Variants in PFKP observed in about 807,000 individuals in gnomAD.
The protein encoded by PFKP is phosphofructokinase, platelet.
PFKP carries 101 observed loss-of-function variants against 94.3 expected under a neutral mutation model. The observed-to-expected ratio is 1.07, with a 90% CI of 0.91 to 1.26. PFKP has a LOEUF of 1.26. PFKP is among the 50% of genes most tolerant of loss of function. The probability of loss-of-function intolerance (pLI) is 0.00; values close to 1 mark genes in which losing one functional copy is unlikely to be tolerated. For synonymous variants in PFKP, 573 were observed against 432.6 expected (o/e 1.32, Z -4.03); for missense variants, 1,145 against 1,103.3 (o/e 1.04, Z -0.53).
At chr10:3,115,923 C>T (rs907377393) in intron 13 of PFKP, among the ~76,000 whole-genome samples, 2 of 152,182 alleles carry the variant, frequency 1.3e-5, no homozygotes, top group Admixed American at 6.5e-5. Flanking sequence ...CACTGCCCGC[C>T]CTTCTGTGTT....
At position 3,095,515 on chromosome 10, in the gene PFKP, T is replaced by G. The variant is rs145635700; in HGVS notation, c.187-3760T>G. ...CAACGAGGAGCTCTAAGGTTCATCT[T>G]GTGAGTCAGAGTCAACAAGACAGAG... On this transcript the variant is annotated intron_variant, in intron 2 of 21. Transcript: ENST00000381125. Among the ~76,000 whole-genome samples the G allele has an allele frequency of 1.6e-3, 239 of 152,334 alleles. 2 individuals are homozygous for G. The highest frequency in any genetic ancestry group is 5.0e-3 in the African/African-American group (207 of 41,574).
chr10:3,124,064 C>A (rs1179667419), intron 16 of PFKP, among the ~76,000 whole-genome samples: 1 of 151,852 alleles, frequency 6.6e-6, no homozygotes, highest in Admixed American at 6.6e-5. Context: ...TCTACACCCA[C>A]TGTCCGAAGC....
intron 17 of PFKP, among the ~76,000 whole-genome samples, chr10:3,131,208 T>C (rs1444781339): frequency 6.6e-6 from 1 of 152,214 alleles, no homozygotes; most frequent in Non-Finnish European, 1.5e-5. Context: ...GCCTGCAGTA[T>C]TCAACAGTCC....
intron 10 of PFKP, among the ~76,000 whole-genome samples, chr10:3,111,737 C>T (rs933035335): frequency 2.6e-5 from 4 of 152,140 alleles, no homozygotes; most frequent in South Asian, 2.1e-4. Context: ...GTCCCAGCCC[C>T]GTGTCCCAGG....
At chr10:3,109,699 C>A (rs76867819) in intron 10 of PFKP, among the ~76,000 whole-genome samples, 2,437 of 152,284 alleles carry the variant, frequency 0.016, 66 homozygotes, top group African/African-American at 0.056. Flanking sequence ...TTCTAAGTTA[C>A]CATCCATCTG....
In PFKP at chr10:3,095,014, G is replaced by A. The variant is rs187950991; in HGVS notation, c.187-4261G>A. Among the ~76,000 whole-genome samples the A allele has an allele frequency of 1.4e-3, 219 of 152,270 alleles. 1 individual carries two copies. Among genetic ancestry groups the A allele is most frequent in the African/African-American group, 5.0e-3 (206 of 41,548 alleles). ...TAAAGTCTGTTATCTCTAGGAGCTT[G>A]TTTTATTCTGGTAGTTGGAATGTTC... On this transcript the variant is annotated intron_variant, in intron 2 of 21. Transcript: ENST00000381125.
chr10:3,127,184 G>A (rs1265367306), intron 16 of PFKP, among the ~76,000 whole-genome samples: 1 of 152,260 alleles, frequency 6.6e-6, no homozygotes, highest in East Asian at 1.9e-4. Context: ...GAGAGTTCAG[G>A]AAAGCTGTAT....
intron 21 of PFKP, among the ~76,000 whole-genome samples, 165 bp downstream of exon 21, chr10:3,136,003 T>C (rs937474641): frequency 2.0e-5 from 3 of 152,224 alleles, no homozygotes; most frequent in African/African-American, 7.2e-5. Flanking sequence ...CGGTGGCTCA[T>C]GCCTATAATC....
chr10:3,068,106 G>C (rs532928601), intron 1 of PFKP, among the ~76,000 whole-genome samples: 1 of 152,106 alleles, frequency 6.6e-6, no homozygotes, highest in South Asian at 2.1e-4. Flanking sequence ...TTCTGCCTCT[G>C]AGCTGTAGGA....
At chr10:3,100,863 A>AAAAT (rs1491438670) in intron 3 of PFKP, 39 of 158,260 alleles carry the variant, frequency 2.5e-4, no homozygotes, top group Non-Finnish European at 3.2e-4. Context: ...TATGTGGTGC[A>AAAAT]AAAAAAAAAA....
rs1282834167 is a variant in PFKP, at chr10:3,067,688, C to G, written c.93C>G (p.Thr31=). ...CCGGCAAGGCCATCGGCGTGCTGACCAGCGGCGGGGATGCTCAAGGTGCGC... is the reference window on the plus strand; with the variant it reads ...CCGGCAAGGCCATCGGCGTGCTGACGAGCGGCGGGGATGCTCAAGGTGCGC... ...SGAGKAIGVL[T]SGGDAQGMNA... The change falls in exon 1 of 22, where the codon ACC becomes ACG. Residue 31 remains threonine (T), a synonymous_variant. Coordinates refer to ENST00000381125, the MANE Select transcript of PFKP (RefSeq NM_002627.5). The G allele has an allele frequency of 1.3e-6, 2 of 1,514,708 alleles. No individual in the cohort carries two copies. The highest frequency in any genetic ancestry group is 1.8e-6 in the Non-Finnish European group (2 of 1,130,180). The allele number at this position is 1,514,708 out of a possible 1,614,324, so 93.8% of individuals were successfully genotyped here. A position where few individuals can be genotyped will look rare whatever the true frequency, so the allele number is the denominator to read the frequency against.
chr10:3,110,066 G>T (rs1836022310), intron 10 of PFKP, among the ~76,000 whole-genome samples: 1 of 152,304 alleles, frequency 6.6e-6, no homozygotes, highest in South Asian at 2.1e-4. Context: ...GTCACCCGAA[G>T]ATACACCCAC....
In PFKP at chr10:3,129,467, C is replaced by T. The variant is rs1448276011; in HGVS notation, c.1684-352C>T. ...CGGTGTCTGTGTCCGGTGAAAGCGG[C>T]TTCAGCAGGGACAGTCACAGAGCAG... On this transcript the variant is annotated intron_variant, in intron 16 of 21. Transcript: ENST00000381125. The T allele has an allele frequency of 2.1e-5, 5 of 234,412 alleles. No homozygotes were observed. The Admixed American group carries it at 2.6e-4, about 12-fold the overall frequency. 14.5% of individuals were successfully genotyped at this position (234,412 alleles called of 1,614,324 possible).
rs560675025 is a variant in PFKP at position 3,103,952 on chromosome 10, G to A, written c.620+8G>A. On this transcript the variant is annotated splice_region_variant and intron_variant, in intron 5 of 21. Transcript: ENST00000381125. The stretch of plus-strand genomic sequence containing the variant: ...CATGACCACGGCCCAGAGGTAAAGC[G>A]CTCAGAGGAACCGGCGGGAGGCCAG... 69 of 1,612,578 alleles carry A rather than the reference G, an allele frequency of 4.3e-5. No homozygotes were observed. Among genetic ancestry groups the A allele is most frequent in the African/African-American group, 1.6e-4 (12 of 75,044 alleles).
rs577687165 is a variant in PFKP at position 3,115,329 on chromosome 10, G to C, written c.1372-1447G>C. 3.8e-3 allele frequency among the ~76,000 whole-genome samples: 403 copies of C among 105,728 alleles called. 18 individuals are homozygous for C. The highest frequency in any genetic ancestry group is 8.9e-3 in the African/African-American group (234 of 26,426). The allele number at this position is 105,728 out of a possible 152,430, so 69.4% of individuals were successfully genotyped here. A position where few individuals can be genotyped will look rare whatever the true frequency, so the allele number is the denominator to read the frequency against. On this transcript the variant is annotated intron_variant, in intron 13 of 21. Transcript: ENST00000381125. ...GCTGGGGTGAAAGTGTGTGTCCCACGGCGGAGGACAGGACTGGGGATGCTG... is the reference window on the plus strand; with the variant it reads ...GCTGGGGTGAAAGTGTGTGTCCCACCGCGGAGGACAGGACTGGGGATGCTG...
Position 3,136,532 on chromosome 10 carries a change from G to A in PFKP, c.2308G>A (p.Val770Met), listed in dbSNP as rs562235338. Reference sequence around the variant, plus strand: ...GGCCAAGTACAAGGCCAGCTATGACGTGTCGGACTCAGGCCAGCTGGAACA... The same window carrying A: ...GGCCAAGTACAAGGCCAGCTATGACATGTCGGACTCAGGCCAGCTGGAACA... ...ILAKYKASYD[V>M]SDSGQLEHVQ... The change falls in exon 22 of 22, where the codon GTG (valine) becomes ATG (methionine). Residue 770 changes from valine (V) to methionine (M), a missense_variant. Physicochemically the swap from Val to Met is conservative, Grantham distance 21. Transcript: ENST00000381125. The A allele has an allele frequency of 1.3e-5, 21 of 1,613,468 alleles. No individual in the cohort carries two copies. Among genetic ancestry groups the A allele is most frequent in the Non-Finnish European group, 1.4e-5 (17 of 1,179,766 alleles).
chr10:3,129,566 T>C, intron 16 of PFKP: 1 of 494,410 alleles, frequency 2.0e-6, no homozygotes, highest in Non-Finnish European at 3.6e-6. Context: ...GAGCGGCAGA[T>C]GGCCAGGCCC....
chr10:3,100,519 A>G (rs183525332), intron 3 of PFKP, among the ~76,000 whole-genome samples: 28 of 152,266 alleles, frequency 1.8e-4, no homozygotes, highest in African/African-American at 6.7e-4. Flanking sequence ...CCATTGGTGT[A>G]TCGAAACACG....
chr10:3,130,229 A>G (rs2279212), intron 17 of PFKP, among the ~76,000 whole-genome samples: 60,356 of 149,550 alleles, frequency 0.4, 12,120 homozygotes, highest in African/African-American at 0.46. Flanking sequence ...TTTGTTTGAC[A>G]TAGTCTGTTG....
Sources: gnomAD v4.1 joint callset for allele counts (sites outside exome capture counted in the v4.1 genomes callset) on GRCh38, gnomAD v4.1.1 for gene constraint, MANE v1.5 for transcripts, NCBI Gene and HGNC (gene_info 2026-07-23, HGNC 2026-07-21) for gene names.